The following DOCK3 variants were observed in gnomAD, a reference collection of about 807,000 sequenced individuals.
DOCK3 encodes dedicator of cytokinesis 3.
In DOCK3, 60 loss-of-function variants were observed where a neutral mutation model predicts 265.6. The observed-to-expected ratio is 0.23, with a 90% CI of 0.18 to 0.28. The LOEUF is 0.28. DOCK3 is among the 10% of genes least tolerant of loss of function. DOCK3 has a pLI of 1.00. For missense variants in DOCK3, 1,981 were observed against 2,594.3 expected (o/e 0.76, Z 5.14); for synonymous variants, 881 against 938.0 (o/e 0.94, Z 1.11).
chr3:51,200,440 G>GAGGAAATGA (rs2088649604), intron 12 of DOCK3, among the ~76,000 whole-genome samples: 2 of 22,014 alleles, frequency 9.1e-5, no homozygotes, highest in Admixed American at 4.3e-4. Flanking sequence ...AGTGATGGAA[G>GAGGAAATGA]ATGAAATGAA....
intron 5 of DOCK3, among the ~76,000 whole-genome samples, chr3:50,947,110 G>T (rs935109873): frequency 6.0e-5 from 9 of 151,180 alleles, no homozygotes; most frequent in South Asian, 2.1e-4. Context: ...TAATTTACTA[G>T]TTTTTTTTTA....
At chr3:51,027,046 A>G (rs1359945074) in intron 5 of DOCK3, among the ~76,000 whole-genome samples, 2 of 152,018 alleles carry the variant, frequency 1.3e-5, no homozygotes, top group Non-Finnish European at 2.9e-5. Context: ...CTGTGGCACT[A>G]GGTTGTTAAT....
At chr3:51,298,144 A>C (rs1406224383) in intron 27 of DOCK3, among the ~76,000 whole-genome samples, 1 of 152,228 alleles carries the variant, frequency 6.6e-6, no homozygotes, top group African/African-American at 2.4e-5. Flanking sequence ...AGGTATACTC[A>C]GATTTTCTAT....
rs188573922 is a variant in DOCK3, at chr3:50,956,692, T to C, written c.315+22615T>C. Among the ~76,000 whole-genome samples the C allele has an allele frequency of 2.8e-3, 424 of 152,312 alleles. 2 individuals are homozygous for C. The highest frequency in any genetic ancestry group is 4.9e-3 in the Non-Finnish European group (332 of 68,026). On this transcript the variant is annotated intron_variant, in intron 5 of 52. Coordinates refer to ENST00000266037, the MANE Select transcript of DOCK3 (RefSeq NM_004947.5). Reference sequence around the variant, plus strand: ...TGGCCAAGCTGAAGCACATAGATTTTGTCTAGCTGAGTAGGCAAAATGAAA... The same window carrying C: ...TGGCCAAGCTGAAGCACATAGATTTCGTCTAGCTGAGTAGGCAAAATGAAA...
At chr3:50,992,174 C>G (rs2078130233) in intron 5 of DOCK3, among the ~76,000 whole-genome samples, 1 of 152,192 alleles carries the variant, frequency 6.6e-6, no homozygotes, top group African/African-American at 2.4e-5. Flanking sequence ...AACTTCACAA[C>G]TGAAAGAATC....
At chr3:51,286,975 G>A (rs1560357032) in intron 27 of DOCK3, among the ~76,000 whole-genome samples, 3 of 152,300 alleles carry the variant, frequency 2.0e-5, no homozygotes, top group Admixed American at 6.5e-5. Context: ...ATTGACGAAT[G>A]TGATCTAATT....
chr3:51,104,814 G>A (rs1417505078), intron 9 of DOCK3, among the ~76,000 whole-genome samples: 5 of 151,992 alleles, frequency 3.3e-5, no homozygotes, highest in Non-Finnish European at 7.4e-5. Flanking sequence ...TTTGAGACAG[G>A]GTCTTGCTCT....
At chr3:50,803,934 C>T (rs919586569) in intron 2 of DOCK3, among the ~76,000 whole-genome samples, 32 of 152,046 alleles carry the variant, frequency 2.1e-4, no homozygotes, top group African/African-American at 7.0e-4. Flanking sequence ...ACGCTCCTCA[C>T]TTCCCAGATG....
intron 27 of DOCK3, among the ~76,000 whole-genome samples, chr3:51,308,959 G>A (rs1436328340): frequency 1.8e-4 from 27 of 152,132 alleles, no homozygotes; most frequent in Non-Finnish European, 2.9e-5. Flanking sequence ...TCGCGGCCGG[G>A]CAGAGGTGCT....
At chr3:51,242,016 T>G (rs573328449) in intron 21 of DOCK3, among the ~76,000 whole-genome samples, 1 of 152,310 alleles carries the variant, frequency 6.6e-6, no homozygotes, top group East Asian at 1.9e-4. Flanking sequence ...GCCAGGGTCC[T>G]TGTGCTGGTT....
chr3:50,959,601 A>G (rs2108376661), intron 5 of DOCK3, among the ~76,000 whole-genome samples: 1 of 151,292 alleles, frequency 6.6e-6, no homozygotes, highest in South Asian at 2.1e-4. Flanking sequence ...TTATTTTGAG[A>G]TGGAGTCTCA....
At chr3:50,840,182 T>C (rs1486342503) in intron 2 of DOCK3, among the ~76,000 whole-genome samples, 1 of 152,216 alleles carries the variant, frequency 6.6e-6, no homozygotes, top group Non-Finnish European at 1.5e-5. Context: ...TGTCATTTTG[T>C]TCTCTTAACA....
At chr3:51,354,298 T>G (rs977531137) in intron 40 of DOCK3, among the ~76,000 whole-genome samples, 15 of 150,532 alleles carry the variant, frequency 1.0e-4, no homozygotes, top group African/African-American at 3.2e-4. Flanking sequence ...GGTCAGGGTA[T>G]TCCAAGGCCT....
chr3:50,773,387 AT>A, intron 1 of DOCK3, among the ~76,000 whole-genome samples: 1 of 152,066 alleles, frequency 6.6e-6, no homozygotes, highest in East Asian at 1.9e-4. Context: ...TTTAAAAAAA[AT>A]CATTTGAAAG....
intron 27 of DOCK3, among the ~76,000 whole-genome samples, chr3:51,305,113 C>G (rs571627080): frequency 6.6e-6 from 1 of 152,090 alleles, no homozygotes; most frequent in Non-Finnish European, 1.5e-5. Flanking sequence ...TTTTTTATTT[C>G]TTTGCTGATC....
intron 2 of DOCK3, among the ~76,000 whole-genome samples, chr3:50,790,733 C>T (rs1330087036): frequency 6.6e-6 from 1 of 152,070 alleles, no homozygotes; most frequent in Non-Finnish European, 1.5e-5. Context: ...ATGCTTTTGC[C>T]TCACAGCTCT....
chr3:51,052,011 G>A (rs1308923586), intron 5 of DOCK3, among the ~76,000 whole-genome samples: 2 of 152,100 alleles, frequency 1.3e-5, no homozygotes, highest in African/African-American at 4.8e-5. Context: ...CAGTACTAGG[G>A]ATTGCATCTC....
intron 9 of DOCK3, among the ~76,000 whole-genome samples, chr3:51,118,400 A>C (rs547750113): frequency 1.3e-5 from 2 of 152,252 alleles, no homozygotes; most frequent in East Asian, 3.9e-4. Flanking sequence ...TTTTCGAATA[A>C]GTGCTATGAG....
chr3:51,333,971 G>T (rs1004372426), intron 35 of DOCK3, among the ~76,000 whole-genome samples: 2 of 151,938 alleles, frequency 1.3e-5, no homozygotes, highest in African/African-American at 4.8e-5. Context: ...CTCCTGAGTA[G>T]CTGGGGCTAC....
Sources: gnomAD v4.1 joint callset for allele counts (sites outside exome capture counted in the v4.1 genomes callset) on GRCh38, gnomAD v4.1.1 for gene constraint, MANE v1.5 for transcripts, NCBI Gene and HGNC (gene_info 2026-07-23, HGNC 2026-07-21) for gene names.